The following TRPM4 variants were observed in gnomAD, a reference collection of about 807,000 sequenced individuals.
The protein encoded by TRPM4 is calcium-activated non-selective cation channel 1.
A neutral mutation model predicts 135.6 loss-of-function variants in TRPM4; 124 were observed. The ratio of observed to expected loss-of-function variants is 0.91; its 90% CI spans 0.79 to 1.06. The LOEUF is 1.06. Among genes scored for constraint, TRPM4 ranks in the 50% least tolerant of loss-of-function variants. The pLI, the probability that TRPM4 is intolerant of heterozygous loss-of-function variation, is 0.00. For missense variants in TRPM4, 1,658 were observed against 1,671.4 expected (o/e 0.99, Z 0.14); for synonymous variants, 745 against 705.6 (o/e 1.06, Z -0.88).
intron 9 of TRPM4, among the ~76,000 whole-genome samples, chr19:49,178,057 G>T (rs778281718): frequency 2.6e-5 from 4 of 152,142 alleles, no homozygotes; most frequent in Non-Finnish European, 4.4e-5. Context: ...CTGGCCAAGC[G>T]TGAAGGCTCA....
chr19:49,168,012 G>T lies in TRPM4; in HGVS notation c.363G>T (p.Val121=). 1 of 1,613,736 alleles carries T rather than the reference G, an allele frequency of 6.2e-7. No individual in the cohort carries two copies. Among genetic ancestry groups the T allele is most frequent in the Admixed American group, 1.7e-5 (1 of 60,024 alleles). The change falls in exon 4 of 25, where the codon GTG becomes GTT. Residue 121 remains valine (V), a synonymous_variant. Coordinates refer to ENST00000252826, the MANE Select transcript of TRPM4 (RefSeq NM_017636.4). ...GFRAPNLVVS[V]LGGSGGPVLQ... is the part of the protein sequence containing the mutation. ...GTGCCCCGAACCTGGTGGTGTCAGT[G>T]CTGGGGGGATCGGGGGGCCCCGTCC...
intron 6 of TRPM4, among the ~76,000 whole-genome samples, chr19:49,169,666 C>T (rs1568460721): frequency 6.6e-6 from 1 of 151,790 alleles, no homozygotes; most frequent in South Asian, 2.1e-4. Context: ...ATTCGCCCAC[C>T]TCAGCCTCCC....
intron 3 of TRPM4, 111 bp downstream of exon 3, chr19:49,166,326 G>A: frequency 5.9e-6 from 7 of 1,184,250 alleles, no homozygotes; most frequent in Non-Finnish European, 8.1e-6. Context: ...GCCCATCCCT[G>A]TCTTGGCTCT....
Position 49,183,654 on chromosome 19 carries a change from C to T in TRPM4, c.1743+442C>T, listed in dbSNP as rs1474349415. Among the ~76,000 whole-genome samples the T allele has an allele frequency of 2.6e-5, 4 of 152,182 alleles. No homozygotes were observed. The South Asian group carries it at 6.2e-4, about 24-fold the overall frequency. On this transcript the variant is annotated intron_variant, in intron 12 of 24. Transcript: ENST00000252826. The stretch of plus-strand genomic sequence containing the variant: ...CTGACCTCAAGTGATCCACCCGCCT[C>T]GGCTTCCCAAAATGCTGGGATTACA...
chr19:49,210,691 A>G lies in TRPM4; in HGVS notation c.3329-19A>G. On this transcript the variant is annotated intron_variant, in intron 21 of 24. Coordinates refer to ENST00000252826, the MANE Select transcript of TRPM4 (RefSeq NM_017636.4). The surrounding 1 kb of genome is among the most constrained non-coding windows in gnomAD (Gnocchi z 4.1). ...GAAGGGGCGTGGCCTGAGCCCTTTG[A>G]CTCCGCCCGCCCCTGCAGGGGTTTA... 1 of 1,612,766 alleles carries G rather than the reference A, an allele frequency of 6.2e-7. No individual in the cohort carries two copies.
intron 9 of TRPM4, among the ~76,000 whole-genome samples, chr19:49,173,734 T>C (rs572959091): frequency 1.3e-5 from 2 of 152,164 alleles, no homozygotes; most frequent in South Asian, 2.1e-4. Context: ...CACGGCTCAG[T>C]GCAGCCTCAA....
intron 9 of TRPM4, among the ~76,000 whole-genome samples, chr19:49,176,945 C>T (rs1967718672): frequency 6.6e-6 from 1 of 152,136 alleles, no homozygotes; most frequent in African/African-American, 2.4e-5. Context: ...CCCAGTTTCT[C>T]TCTGTGGAAA....
At chr19:49,178,683 G>C (rs890230418) in intron 9 of TRPM4, among the ~76,000 whole-genome samples, 1 of 152,028 alleles carries the variant, frequency 6.6e-6, no homozygotes, top group Non-Finnish European at 1.5e-5. Flanking sequence ...GTGGGGCCAG[G>C]GTCGAGTGCC....
chr19:49,196,587 C>T lies in TRPM4; in HGVS notation c.2358C>T (p.Asn786=), dbSNP rs886054579. 11 of 1,557,352 alleles carry T rather than the reference C, an allele frequency of 7.1e-6. No homozygotes were observed. The highest frequency in any genetic ancestry group is 2.4e-5 in the East Asian group (1 of 42,072). Reference sequence around the variant, plus strand: ...CGCCGGTGACCATCTTCATGGGCAACGTGGTCAGCTACCTGCTGTTCCTGC... The same window carrying T: ...CGCCGGTGACCATCTTCATGGGCAATGTGGTCAGCTACCTGCTGTTCCTGC... ...WGAPVTIFMG[N]VVSYLLFLLL... Residue 786 remains asparagine, a synonymous_variant, in exon 17 of 25, where the codon AAC becomes AAT. Transcript: ENST00000252826.
chr19:49,188,687 G>A lies in TRPM4; in HGVS notation c.1790G>A (p.Arg597Gln), dbSNP rs1167621856. 3.7e-6 allele frequency: 6 copies of A among 1,614,148 alleles called. No individual in the cohort carries two copies. The highest frequency in any genetic ancestry group is 3.3e-5 in the South Asian group (3 of 91,084). ...SSALGACLLL[R>Q]VMARLEPDAE... ...GCTCTTGGGGCCTGTTTGCTGCTCC[G>A]GGTGATGGCACGCCTGGAGCCTGAC... The change falls in exon 13 of 25, where the codon CGG (arginine) becomes CAG (glutamine). Residue 597 changes from arginine to glutamine, a missense_variant. Arg to Gln is a conservative substitution (Grantham distance 43). This residue lies in a region of TRPM4 where 1,412 missense variants were observed against 1,408.7 expected (regional missense o/e 1.00). Coordinates refer to ENST00000252826, the MANE Select transcript of TRPM4 (RefSeq NM_017636.4).
rs555402640 is a variant in TRPM4, at chr19:49,193,282, C to T, written c.2210+2509C>T. 8.2e-4 allele frequency among the ~76,000 whole-genome samples: 125 copies of T among 152,074 alleles called. 1 individual carries two copies. The highest frequency in any genetic ancestry group is 1.2e-3 in the Non-Finnish European group (79 of 67,970). Reference sequence around the variant, plus strand: ...ATTTTTAGTAGAGCTGGGGTTTCCCCGTGTTAGCCAGGATGGTCTCGATCT... The same window carrying T: ...ATTTTTAGTAGAGCTGGGGTTTCCCTGTGTTAGCCAGGATGGTCTCGATCT... On this transcript the variant is annotated intron_variant, in intron 16 of 24. Coordinates refer to ENST00000252826, the MANE Select transcript of TRPM4 (RefSeq NM_017636.4).
intron 2 of TRPM4, among the ~76,000 whole-genome samples, chr19:49,163,439 C>T (rs1967047290): frequency 6.6e-6 from 1 of 152,028 alleles, no homozygotes; most frequent in Admixed American, 6.6e-5. Context: ...CATGATCCGC[C>T]CGCCTTGGCC....
At position 49,168,540 on chromosome 19, in the gene TRPM4, A is replaced by AT. The variant is rs1471110651; in HGVS notation, c.613-8dup. 3.1e-6 allele frequency: 5 copies of AT among 1,613,578 alleles called. No individual in the cohort carries two copies. In the East Asian group the frequency reaches 8.9e-5, roughly 29 times the overall value. ...GATGAGGAGACGCCCTGGTCTGGCCATTTTTCCCCTAGGGCTCGTTCCCTG... is the reference window on the plus strand; with the variant it reads ...GATGAGGAGACGCCCTGGTCTGGCCATTTTTTCCCCTAGGGCTCGTTCCCTG... On this transcript the variant is annotated splice_polypyrimidine_tract_variant and intron_variant, in intron 5 of 24. Coordinates refer to ENST00000252826, the MANE Select transcript of TRPM4 (RefSeq NM_017636.4).
chr19:49,198,797 C>T (rs1440353605), intron 17 of TRPM4, among the ~76,000 whole-genome samples: 1 of 152,042 alleles, frequency 6.6e-6, no homozygotes, highest in Non-Finnish European at 1.5e-5. Flanking sequence ...CAGGGTCTCA[C>T]TCTGTTGCCC....
rs375349363 is a variant in TRPM4, at chr19:49,190,314, C to T, written c.2126C>T (p.Thr709Ile). The part of the protein sequence containing the change: ...CPPLIYTRLI[T>I]FRKSEEEPTR... ...CCACTCATCTACACCCGCCTCATCA[C>T]CTTCAGGTCAGTACCCTGGGGTGAG... Residue 709 changes from threonine (T) to isoleucine (I), a missense_variant, in exon 15 of 25, where the codon ACC (threonine) becomes ATC (isoleucine). By Grantham distance (89) the Thr-to-Ile change is moderately conservative (BLOSUM62 -1). Coordinates refer to ENST00000252826, the MANE Select transcript of TRPM4 (RefSeq NM_017636.4). 1 of 1,614,132 alleles carries T rather than the reference C, an allele frequency of 6.2e-7. No homozygotes were observed. The highest frequency in any genetic ancestry group is 2.2e-5 in the East Asian group (1 of 44,884).
chr19:49,204,982 G>GTTTTTT lies in TRPM4; in HGVS notation c.3131+2857_3131+2862dup, dbSNP rs756332219. On this transcript the variant is annotated intron_variant, in intron 20 of 24. Transcript: ENST00000252826. ...ATATAAAATTTCATTGGCTTTGGTTGTTTTTTTTTTTTTTTTTTTTTCAGA... is the reference window on the plus strand; with the variant it reads ...ATATAAAATTTCATTGGCTTTGGTTGTTTTTTTTTTTTTTTTTTTTTTTTTTTCAGA... Among the ~76,000 whole-genome samples the GTTTTTT allele has an allele frequency of 1.5e-3, 91 of 60,760 alleles. 1 individual carries two copies. Among genetic ancestry groups the GTTTTTT allele is most frequent in the African/African-American group, 4.7e-3 (83 of 17,638 alleles). 39.9% of individuals were successfully genotyped at this position (60,760 alleles called of 152,430 possible).
At position 49,210,501 on chromosome 19, in the gene TRPM4, T is replaced by A; in HGVS notation, c.3328+96T>A. 1.3e-6 allele frequency: 2 copies of A among 1,502,664 alleles called. No individual in the cohort carries two copies. Among genetic ancestry groups the A allele is most frequent in the Non-Finnish European group, 1.8e-6 (2 of 1,100,324 alleles). The allele number at this position is 1,502,664 out of a possible 1,614,324, so 93.1% of individuals were successfully genotyped here. ...GCATGCCCCAAATGACTAACGGGCG[T>A]GGCTTAGGTAGCGAGGGGCGGGGTT... On this transcript the variant is annotated intron_variant, in intron 21 of 24. Coordinates refer to ENST00000252826, the MANE Select transcript of TRPM4 (RefSeq NM_017636.4). This position sits in a 1 kb window ranked among gnomAD's most constrained non-coding sequence, Gnocchi z 4.1.
Position 49,211,712 on chromosome 19 carries a change from T to G in TRPM4, c.*214T>G. The G allele has an allele frequency of 1.5e-6, 1 of 661,398 alleles. No homozygotes were observed. The allele number at this position is 661,398 out of a possible 1,614,324, so 41.0% of individuals were successfully genotyped here. Reference sequence around the variant, plus strand: ...CAGAACCAGTCCCAGCCTGGGAGGATCAAGGCCTGGATCCCGGGCCGTTAT... The same window carrying G: ...CAGAACCAGTCCCAGCCTGGGAGGAGCAAGGCCTGGATCCCGGGCCGTTAT... On this transcript the variant is annotated 3_prime_UTR_variant, in exon 25 of 25. Coordinates refer to ENST00000252826, the MANE Select transcript of TRPM4 (RefSeq NM_017636.4). The surrounding 1 kb of genome is among the most constrained non-coding windows in gnomAD (Gnocchi z 4.8).
chr19:49,201,138 G>GC (rs34241816), intron 19 of TRPM4, among the ~76,000 whole-genome samples: 43,607 of 151,784 alleles, frequency 0.29, 6,553 homozygotes, highest in South Asian at 0.41. Flanking sequence ...ACACTCGCCA[G>GC]CAGTTTTGTC....
Sources: allele counts gnomAD v4.1 joint callset (sites outside exome capture counted in the v4.1 genomes callset), GRCh38; gene constraint gnomAD v4.1.1; regional missense constraint gnomAD v4.1.1; non-coding constraint Gnocchi (gnomAD v3.1); transcripts MANE v1.5; gene names NCBI Gene and HGNC (gene_info 2026-07-23, HGNC 2026-07-21).